The following GLB1 variants were observed in gnomAD, a reference collection of about 807,000 sequenced individuals.
The protein encoded by GLB1 is galactosidase beta 1.
A neutral mutation model predicts 74.0 loss-of-function variants in GLB1; 56 were observed. The ratio of observed to expected loss-of-function variants is 0.76; its 90% CI spans 0.61 to 0.94. The LOEUF (loss-of-function observed/expected upper bound fraction) is 0.94, where lower values mean the gene tolerates loss of function less well. Among genes scored for constraint, GLB1 ranks in the 40% least tolerant of loss-of-function variants. GLB1 has a pLI of 0.00. For synonymous variants in GLB1, 323 were observed against 323.6 expected (o/e 1.00, Z 0.02); for missense variants, 787 against 845.5 (o/e 0.93, Z 0.86).
chr3:32,969,549 C>T, the GLB1 span, among the ~76,000 whole-genome samples: 1 of 152,192 alleles, frequency 6.6e-6, no homozygotes, highest in Non-Finnish European at 1.5e-5. Context: ...GACAACTCCA[C>T]CTTCTAAAGA....
At chr3:33,088,753 C>G (rs1700632986) in intron 1 of GLB1, among the ~76,000 whole-genome samples, 1 of 152,132 alleles carries the variant, frequency 6.6e-6, no homozygotes, top group African/African-American at 2.4e-5. Flanking sequence ...ATAAAAATCC[C>G]AATAGCATTT....
At chr3:33,038,192 C>T (rs559282097) in intron 10 of GLB1, among the ~76,000 whole-genome samples, 1 of 152,118 alleles carries the variant, frequency 6.6e-6, no homozygotes, top group South Asian at 2.1e-4. Flanking sequence ...TTCTGTGAGC[C>T]CCTCCAACAC....
At chr3:32,963,476 C>T in the GLB1 span, among the ~76,000 whole-genome samples, 1 of 152,026 alleles carries the variant, frequency 6.6e-6, no homozygotes, top group Non-Finnish European at 1.5e-5. Flanking sequence ...AAAAACATCC[C>T]CAAAGAAAAA....
intron 13 of GLB1, 146 bp downstream of exon 13, chr3:33,018,302 A>C (rs1372033029): frequency 2.9e-6 from 1 of 350,804 alleles, no homozygotes; most frequent in Non-Finnish European, 5.2e-6. Context: ...AAAAAAAAAA[A>C]AAAAAAAAAA....
In GLB1 at chr3:33,093,766, G is replaced by A; in HGVS notation, c.75+3245C>T. On this transcript the variant is annotated intron_variant, in intron 1 of 15. Transcript: ENST00000307363. This position sits in a 1 kb window ranked among gnomAD's most constrained non-coding sequence, Gnocchi z 6.0. ...ACCCTACCACTGCGCCAGGCCAAGA[G>A]CTGGTAGGCCTGCTCCATGCCGCTG... 6.2e-7 allele frequency: 1 copy of A among 1,613,660 alleles called. No individual in the cohort carries two copies. Among genetic ancestry groups the A allele is most frequent in the Non-Finnish European group, 8.5e-7 (1 of 1,179,780 alleles).
rs931392701 is a variant in GLB1 at position 33,077,421 on chromosome 3, C to G, written c.76-4708G>C. On this transcript the variant is annotated intron_variant, in intron 1 of 15. Coordinates refer to ENST00000307363, the MANE Select transcript of GLB1 (RefSeq NM_000404.4). ...CAACCAATCAATGAAAGAGACACAC[C>G]TGCTCAGTTGGAAATGGAGGATGAA... 6.5e-5 allele frequency: 61 copies of G among 935,378 alleles called. 1 individual carries two copies. The East Asian group carries it at 1.7e-3, about 27-fold the overall frequency. The allele number at this position is 935,378 out of a possible 1,614,324, so 57.9% of individuals were successfully genotyped here.
intron 7 of GLB1, 126 bp from the exon 8 acceptor site, chr3:33,052,130 C>G (rs1023100536): frequency 1.3e-6 from 2 of 1,536,724 alleles, no homozygotes; most frequent in African/African-American, 2.7e-5. Flanking sequence ...ACTGCTTAAC[C>G]CAGAGACGCC....
At position 33,077,478 on chromosome 3, in the gene GLB1, G is replaced by A. The variant is rs762234304; in HGVS notation, c.76-4765C>T. The A allele has an allele frequency of 2.1e-5, 15 of 717,802 alleles. No homozygotes were observed. The Admixed American group carries it at 2.3e-4, about 11-fold the overall frequency. The allele number at this position is 717,802 out of a possible 1,614,324, so 44.5% of individuals were successfully genotyped here. A position where few individuals can be genotyped will look rare whatever the true frequency, so the allele number is the denominator to read the frequency against. The stretch of plus-strand genomic sequence containing the variant: ...ACCGATATGTTCCAACAGCAGTCAG[G>A]GGGTGTCTACTAAAAAGGGAACCTC... On this transcript the variant is annotated intron_variant, in intron 1 of 15. Coordinates refer to ENST00000307363, the MANE Select transcript of GLB1 (RefSeq NM_000404.4).
At chr3:33,086,460 A>C (rs1700507127) in intron 1 of GLB1, among the ~76,000 whole-genome samples, 1 of 152,266 alleles carries the variant, frequency 6.6e-6, no homozygotes, top group African/African-American at 2.4e-5. Flanking sequence ...CTTTAGTGAA[A>C]TAATGACATT....
chr3:33,010,485 T>C (rs2125458656), intron 15 of GLB1, among the ~76,000 whole-genome samples: 1 of 152,392 alleles, frequency 6.6e-6, no homozygotes. Flanking sequence ...GTGACTGGGC[T>C]GTTTGTCTAT....
At chr3:32,967,791 G>A in the GLB1 span, among the ~76,000 whole-genome samples, 1 of 152,134 alleles carries the variant, frequency 6.6e-6, no homozygotes, top group Non-Finnish European at 1.5e-5. Flanking sequence ...GGTGCACCAC[G>A]GGGGAGTTTC....
At chr3:32,972,491 G>A in the GLB1 span, among the ~76,000 whole-genome samples, 1 of 152,130 alleles carries the variant, frequency 6.6e-6, no homozygotes, top group East Asian at 1.9e-4. Context: ...GCCTTTGGAG[G>A]ATTCAAAACC....
chr3:33,001,813 C>T (rs919439905), intron 15 of GLB1, among the ~76,000 whole-genome samples: 3 of 152,164 alleles, frequency 2.0e-5, no homozygotes, highest in African/African-American at 7.2e-5. Flanking sequence ...CTTCACGTTC[C>T]TCTGCTCCCA....
At chr3:32,978,375 C>G in the GLB1 span, among the ~76,000 whole-genome samples, 1 of 111,522 alleles carries the variant, frequency 9.0e-6, no homozygotes, top group Non-Finnish European at 2.0e-5. Context: ...GAAACAGCAT[C>G]AAAATTAAAA....
chr3:32,983,900 G>C, the GLB1 span, among the ~76,000 whole-genome samples: 1 of 151,904 alleles, frequency 6.6e-6, no homozygotes, highest in Non-Finnish European at 1.5e-5. Context: ...GCCCAGGCTG[G>C]TCTTGAACTC....
At chr3:33,080,358 C>T (rs1700281368) in intron 1 of GLB1, among the ~76,000 whole-genome samples, 2 of 151,870 alleles carry the variant, frequency 1.3e-5, no homozygotes, top group African/African-American at 4.9e-5. Context: ...GGATTACAGA[C>T]GTGAGCCACC....
chr3:33,072,613 C>T lies in GLB1; in HGVS notation c.176G>A (p.Arg59His), dbSNP rs72555392. 2.5e-5 allele frequency: 41 copies of T among 1,614,078 alleles called. No individual in the cohort carries two copies. The highest frequency in any genetic ancestry group is 5.0e-5 in the Admixed American group (3 of 60,014). Residue 59 changes from arginine to histidine, a missense_variant, in exon 2 of 16, where the codon CGT (arginine) becomes CAT (histidine). Physicochemically the swap from Arg to His is conservative, Grantham distance 29 (BLOSUM62 0). Transcript: ENST00000307363. ...GTCCTTCCAGTAGAAGCGGGGCACACGGGAGTAGTGAATGCTTCCTGAGAT... is the reference window on the plus strand; with the variant it reads ...GTCCTTCCAGTAGAAGCGGGGCACATGGGAGTAGTGAATGCTTCCTGAGAT... ...RYISGSIHYS[R>H]VPRFYWKDRL...
chr3:33,067,502 A>T (rs1575470530), intron 4 of GLB1, among the ~76,000 whole-genome samples: 1 of 152,004 alleles, frequency 6.6e-6, no homozygotes, highest in East Asian at 1.9e-4. Flanking sequence ...GCTGGTATCA[A>T]ACTCCTGGGC....
chr3:32,988,994 G>T, the GLB1 span, among the ~76,000 whole-genome samples: 1 of 151,722 alleles, frequency 6.6e-6, no homozygotes, highest in Non-Finnish European at 1.5e-5. Flanking sequence ...AAGATCACTG[G>T]GGTGGGGGTG....
Sources: allele counts gnomAD v4.1 joint callset (sites outside exome capture counted in the v4.1 genomes callset), GRCh38; gene constraint gnomAD v4.1.1; non-coding constraint Gnocchi (gnomAD v3.1); transcripts MANE v1.5; gene names NCBI Gene and HGNC (gene_info 2026-07-23, HGNC 2026-07-21).